Variants in PCCA observed in about 807,000 individuals in gnomAD.
The protein encoded by PCCA is propionyl-CoA carboxylase subunit alpha, also known as propionyl-CoA carboxylase alpha chain, mitochondrial.
In PCCA, 74 loss-of-function variants were observed where a neutral mutation model predicts 101.3. The ratio of observed to expected loss-of-function variants is 0.73; its 90% CI spans 0.61 to 0.89. The LOEUF (loss-of-function observed/expected upper bound fraction) is 0.89, where lower values mean the gene tolerates loss of function less well. Among genes scored for constraint, PCCA ranks in the 40% least tolerant of loss-of-function variants. The pLI is 0.00. For missense variants in PCCA, 891 were observed against 907.0 expected (o/e 0.98, Z 0.23); for synonymous variants, 294 against 313.6 (o/e 0.94, Z 0.66).
intron 21 of PCCA, among the ~76,000 whole-genome samples, chr13:100,458,011 A>G (rs1038932060): frequency 6.6e-6 from 1 of 152,154 alleles, no homozygotes; most frequent in Non-Finnish European, 1.5e-5. Context: ...CCTGATACAT[A>G]GTCTGGGAAC....
At chr13:100,390,264 T>C (rs886146406) in intron 19 of PCCA, among the ~76,000 whole-genome samples, 4 of 152,204 alleles carry the variant, frequency 2.6e-5, no homozygotes, top group Non-Finnish European at 4.4e-5. Context: ...GCATAAGTAC[T>C]ATTATTAGTC....
intron 19 of PCCA, among the ~76,000 whole-genome samples, chr13:100,411,473 CTTCTGTGGTA>C (rs1270315200): frequency 6.6e-6 from 1 of 152,192 alleles, no homozygotes; most frequent in Non-Finnish European, 1.5e-5. Context: ...CACAACATTA[CTTCTGTGGTA>C]TTCCAGATAA....
intron 21 of PCCA, among the ~76,000 whole-genome samples, chr13:100,502,180 A>G (rs777953882): frequency 6.6e-6 from 1 of 152,198 alleles, no homozygotes; most frequent in Non-Finnish European, 1.5e-5. Flanking sequence ...ACACATCAGT[A>G]TCTTGTGAGC....
intron 20 of PCCA, among the ~76,000 whole-genome samples, chr13:100,446,856 T>G (rs2080868541): frequency 6.6e-6 from 1 of 152,264 alleles, no homozygotes; most frequent in South Asian, 2.1e-4. Context: ...ACAAGGCTTA[T>G]TCTGAACATA....
chr13:100,290,541 G>A (rs748818715), intron 12 of PCCA, among the ~76,000 whole-genome samples: 19 of 152,026 alleles, frequency 1.2e-4, no homozygotes, highest in Non-Finnish European at 1.9e-4. Context: ...TGGAATTCAG[G>A]GACTTTTTTT....
Position 100,394,973 on chromosome 13 carries a change from C to G in PCCA, c.1746+26399C>G, listed in dbSNP as rs1325679203. 6.6e-6 allele frequency among the ~76,000 whole-genome samples: 1 copy of G among 152,068 alleles called. No homozygotes were observed. The highest frequency in any genetic ancestry group is 1.9e-4 in the East Asian group (1 of 5,178). ...CATTTCAGGGGGTTGTGATCTCTCC[C>G]AGAATCCCGTTCATGCATTGTGTTT... On this transcript the variant is annotated intron_variant, in intron 19 of 23. Coordinates refer to ENST00000376285, the MANE Select transcript of PCCA (RefSeq NM_000282.4). This position sits in a 1 kb window ranked among gnomAD's most constrained non-coding sequence, Gnocchi z 4.3.
At position 100,262,425 on chromosome 13, in the gene PCCA, T is replaced by C. The variant is rs558256536; in HGVS notation, c.717-304T>C. On this transcript the variant is annotated intron_variant, in intron 9 of 23. Transcript: ENST00000376285. ...AAAAAAAGTGATACTTAGCAGTTGG[T>C]AAAGTATCGGCATTCCTGTTTCAAT... is the stretch of plus-strand genomic sequence containing the variant. Among the ~76,000 whole-genome samples, 12 of 151,808 alleles carry C rather than the reference T, an allele frequency of 7.9e-5. No homozygotes were observed. The South Asian group carries it at 2.5e-3, about 32-fold the overall frequency.
rs1555303356 is a variant in PCCA at position 100,458,384 on chromosome 13, A to ACG, written c.1899+9080_1899+9081insGC. Among the ~76,000 whole-genome samples the ACG allele has an allele frequency of 2.8e-5, 4 of 144,508 alleles. 1 individual carries two copies. Among genetic ancestry groups the ACG allele is most frequent in the African/African-American group, 1.1e-4 (4 of 37,824 alleles). The allele number at this position is 144,508 out of a possible 152,430, so 94.8% of individuals were successfully genotyped here. On this transcript the variant is annotated intron_variant, in intron 21 of 23. Coordinates refer to ENST00000376285, the MANE Select transcript of PCCA (RefSeq NM_000282.4). The stretch of plus-strand genomic sequence containing the variant: ...TCTACACACACACACACACACACAC[A>ACG]CACGCACATATACACACAGTGGGAC...
At chr13:100,450,053 ATTAG>A (rs1465782686) in intron 21 of PCCA, among the ~76,000 whole-genome samples, 1 of 152,206 alleles carries the variant, frequency 6.6e-6, no homozygotes, top group East Asian at 1.9e-4. Flanking sequence ...TATAATTAGT[ATTAG>A]TTACTATAAT....
chr13:100,269,203 T>C (rs1392123428), intron 11 of PCCA, among the ~76,000 whole-genome samples: 2 of 152,198 alleles, frequency 1.3e-5, no homozygotes. Context: ...AATGTTCATG[T>C]AGACTCTGTT....
intron 8 of PCCA, among the ~76,000 whole-genome samples, chr13:100,245,893 A>G (rs764942003): frequency 8.5e-5 from 13 of 152,336 alleles, no homozygotes; most frequent in South Asian, 2.1e-4. Flanking sequence ...TATTGGGGGA[A>G]ATAATTTTGG....
chr13:100,347,023 G>A (rs528444848), intron 18 of PCCA, among the ~76,000 whole-genome samples: 1 of 152,178 alleles, frequency 6.6e-6, no homozygotes, highest in South Asian at 2.1e-4. Context: ...ACAGGCACAT[G>A]CCACCACACC....
At chr13:100,224,096 AG>A (rs2059989262) in intron 7 of PCCA, among the ~76,000 whole-genome samples, 1 of 152,148 alleles carries the variant, frequency 6.6e-6, no homozygotes, top group Admixed American at 6.5e-5. Flanking sequence ...ACCGTGGAGC[AG>A]GGGGCGGCGC....
chr13:100,452,931 C>T (rs531797333), intron 21 of PCCA, among the ~76,000 whole-genome samples: 2 of 152,154 alleles, frequency 1.3e-5, no homozygotes, highest in South Asian at 2.1e-4. Context: ...AGGCCTGGCT[C>T]GGTGGCTCGT....
intron 6 of PCCA, among the ~76,000 whole-genome samples, chr13:100,172,831 T>C (rs1052054610): frequency 4.6e-5 from 7 of 152,214 alleles, no homozygotes; most frequent in African/African-American, 1.7e-4. Flanking sequence ...TTATTTCTGC[T>C]TTTCAGGCGA....
rs564355007 is a variant in PCCA at position 100,167,712 on chromosome 13, A to G, written c.468+10372A>G. Among the ~76,000 whole-genome samples, 9 of 152,332 alleles carry G rather than the reference A, an allele frequency of 5.9e-5. No individual in the cohort carries two copies. The South Asian group carries it at 1.5e-3, about 25-fold the overall frequency. On this transcript the variant is annotated intron_variant, in intron 6 of 23. Coordinates refer to ENST00000376285, the MANE Select transcript of PCCA (RefSeq NM_000282.4). ...ATATGTGGTGTGAAGTAGGGTCTAA[A>G]TTAATCTTTTTTGCATGTGGCTATT...
At chr13:100,429,580 A>G (rs1345384399) in intron 20 of PCCA, among the ~76,000 whole-genome samples, 1 of 151,970 alleles carries the variant, frequency 6.6e-6, no homozygotes, top group Non-Finnish European at 1.5e-5. Context: ...AAATTTTATT[A>G]TTAAACCTCA....
At position 100,195,225 on chromosome 13, in the gene PCCA, C is replaced by T. The variant is rs575453845; in HGVS notation, c.469-14107C>T. ...ATGAGGAGGACCTTAGCAATGTATA[C>T]CAAATTTAAATGTGAAGCTTCTTAC... On this transcript the variant is annotated intron_variant, in intron 6 of 23. Transcript: ENST00000376285. 2.6e-4 allele frequency among the ~76,000 whole-genome samples: 40 copies of T among 152,206 alleles called. 1 individual carries two copies. The highest frequency in any genetic ancestry group is 9.4e-4 in the African/African-American group (39 of 41,544).
Position 100,131,364 on chromosome 13 carries a change from C to G in PCCA, c.300+19303C>G, listed in dbSNP as rs533556492. Among the ~76,000 whole-genome samples, 22 of 152,248 alleles carry G rather than the reference C, an allele frequency of 1.4e-4. No individual in the cohort carries two copies. The East Asian group carries it at 4.2e-3, about 29-fold the overall frequency. On this transcript the variant is annotated intron_variant, in intron 4 of 23. Coordinates refer to ENST00000376285, the MANE Select transcript of PCCA (RefSeq NM_000282.4). Reference sequence around the variant, plus strand: ...TTAAGAACAGTTCTTAATCAAGAGCCGTGATTTCCAAGAACGAAGGGTGGT... The same window carrying G: ...TTAAGAACAGTTCTTAATCAAGAGCGGTGATTTCCAAGAACGAAGGGTGGT...
Sources: allele counts gnomAD v4.1 joint callset (sites outside exome capture counted in the v4.1 genomes callset), GRCh38; gene constraint gnomAD v4.1.1; non-coding constraint Gnocchi (gnomAD v3.1); transcripts MANE v1.5; gene names NCBI Gene and HGNC (gene_info 2026-07-23, HGNC 2026-07-21).